Variants in ITGA8 observed in about 807,000 individuals in gnomAD.
ITGA8 encodes integrin subunit alpha 8.
Under a neutral mutation model 142.3 loss-of-function variants are expected in ITGA8, and 91 were observed. The ratio of observed to expected loss-of-function variants is 0.64; its 90% confidence interval spans 0.54 to 0.76. The LOEUF (loss-of-function observed/expected upper bound fraction) is 0.76. Among genes scored for constraint, ITGA8 ranks in the 30% least tolerant of loss-of-function variants. The pLI is 0.00. For missense variants in ITGA8, 1,406 were observed against 1,327.7 expected, an observed-to-expected ratio of 1.06 and a Z score of -0.92; for synonymous variants, 505 against 485.2, an observed-to-expected ratio of 1.04 and a Z score of -0.54.
At chr10:15,565,275 C>T (rs1420042942) in intron 25 of ITGA8, among the ~76,000 whole-genome samples, 8 of 152,262 alleles carry the variant, frequency 5.3e-5, no homozygotes, top group Non-Finnish European at 1.0e-4. Context: ...GTCACTAGTA[C>T]GTCACAATTG....
chr10:15,637,987 G>C (rs1211244216), intron 13 of ITGA8, among the ~76,000 whole-genome samples: 2 of 152,016 alleles, frequency 1.3e-5, no homozygotes, highest in African/African-American at 4.8e-5. Flanking sequence ...AATAAGCACT[G>C]TATTTACCTT....
chr10:15,615,456 GC>G (rs1399316510), intron 14 of ITGA8, among the ~76,000 whole-genome samples: 3 of 152,126 alleles, frequency 2.0e-5, no homozygotes, highest in African/African-American at 4.8e-5. Flanking sequence ...TATGCCCTCG[GC>G]CTTTTGTCTT....
At chr10:15,559,866 A>G (rs1833945298) in intron 25 of ITGA8, among the ~76,000 whole-genome samples, 1 of 151,966 alleles carries the variant, frequency 6.6e-6, no homozygotes, top group South Asian at 2.1e-4. Flanking sequence ...AAAAATAGCT[A>G]ATGCATGTTG....
At chr10:15,678,420 GT>G (rs1038020397) in intron 5 of ITGA8, among the ~76,000 whole-genome samples, 79 of 152,088 alleles carry the variant, frequency 5.2e-4, no homozygotes, top group Non-Finnish European at 7.2e-4. Flanking sequence ...ACATTACTGA[GT>G]TTTTTAGATT....
rs775855171 is a variant in ITGA8 at position 15,658,997 on chromosome 10, A to G, written c.948+2T>C. The G allele has an allele frequency of 1.3e-6, 2 of 1,576,754 alleles. No individual in the cohort carries two copies. Among genetic ancestry groups the G allele is most frequent in the Non-Finnish European group, 8.7e-7 (1 of 1,148,916 alleles). ...ATTTATTTGATATTAAAATGTCTCT[A>G]CCTGTTCTCCCGTGAAATTCTGAAT... On this transcript the variant is annotated splice_donor_variant, in intron 10 of 29. Coordinates refer to ENST00000378076, the MANE Select transcript of ITGA8 (RefSeq NM_003638.3). LOFTEE classifies it high-confidence loss of function.
At chr10:15,534,975 G>A (rs1394281511) in intron 27 of ITGA8, among the ~76,000 whole-genome samples, 1 of 152,304 alleles carries the variant, frequency 6.6e-6, no homozygotes, top group Admixed American at 6.5e-5. Context: ...GGAGGGAGAG[G>A]CACGGGGGGA....
At position 15,616,548 on chromosome 10, in the gene ITGA8, C is replaced by G; in HGVS notation, c.1411G>C (p.Gly471Arg). The part of the protein sequence containing the change: ...DKNDYPDLIV[G>R]AFGTGKVAVY... ...GCGACTTTTCCTGTTCCAAATGCAC[C>G]CACAATCAAATCTTAAAAAGACAAA... The change falls in exon 14 of 30, where the codon GGT becomes CGT. Residue 471 changes from glycine to arginine, a missense_variant. Gly to Arg is a moderately radical substitution (Grantham distance 125). Coordinates refer to ENST00000378076, the MANE Select transcript of ITGA8 (RefSeq NM_003638.3). 1 of 1,612,062 alleles carries G rather than the reference C, an allele frequency of 6.2e-7. No individual in the cohort carries two copies. The highest frequency in any genetic ancestry group is 8.5e-7 in the Non-Finnish European group (1 of 1,179,176).
At chr10:15,701,852 A>G (rs1184133708) in intron 2 of ITGA8, among the ~76,000 whole-genome samples, 1 of 152,254 alleles carries the variant, frequency 6.6e-6, no homozygotes, top group Non-Finnish European at 1.5e-5. Flanking sequence ...AAAGGGTAGA[A>G]GAAATCCTTA....
intron 25 of ITGA8, among the ~76,000 whole-genome samples, chr10:15,563,918 CAA>C (rs928341834): frequency 2.1e-5 from 2 of 96,158 alleles, no homozygotes; most frequent in Non-Finnish European, 2.2e-5. Flanking sequence ...AGGCTGTCTC[CAA>C]AAAAAAAAAA....
At chr10:15,532,588 T>C (rs1833331961) in intron 27 of ITGA8, among the ~76,000 whole-genome samples, 2 of 152,004 alleles carry the variant, frequency 1.3e-5, no homozygotes, top group African/African-American at 4.8e-5. Context: ...TAACTGTTGA[T>C]AAAAGTCAAT....
At position 15,572,243 on chromosome 10, in the gene ITGA8, G is replaced by T. The variant is rs373194913; in HGVS notation, c.2605C>A (p.Pro869Thr). ...TCCTGTGGATTGATATTAGGATTTG[G>T]TTGGCACTGCAGAGGTCCCAGAGTT... ...IQTLGPLQCQ[P>T]NPNINPQDIK... The change falls in exon 25 of 30, where the codon CCA (proline) becomes ACA (threonine). Residue 869 changes from proline to threonine, a missense_variant. Coordinates refer to ENST00000378076, the MANE Select transcript of ITGA8 (RefSeq NM_003638.3). 4 of 1,613,738 alleles carry T rather than the reference G, an allele frequency of 2.5e-6. No homozygotes were observed. Among genetic ancestry groups the T allele is most frequent in the East Asian group, 2.2e-5 (1 of 44,890 alleles).
Position 15,634,168 on chromosome 10 carries a change from A to G in ITGA8, c.1399+9862T>C, listed in dbSNP as rs138733924. On this transcript the variant is annotated intron_variant, in intron 13 of 29. Coordinates refer to ENST00000378076, the MANE Select transcript of ITGA8 (RefSeq NM_003638.3). ...TAGCAAGAAACACTCTCTCTTTTTA[A>G]CTGTTTCATTATTTTGTACCCTCTT... 3.4e-4 allele frequency among the ~76,000 whole-genome samples: 52 copies of G among 151,974 alleles called. No individual in the cohort carries two copies. In the East Asian group the frequency reaches 8.7e-3, roughly 25 times the overall value.
rs1298380998 is a variant in ITGA8, at chr10:15,607,808, C to T, written c.1633G>A (p.Asp545Asn). 1.2e-6 allele frequency: 2 copies of T among 1,611,462 alleles called. No homozygotes were observed. Among genetic ancestry groups the T allele is most frequent in the Non-Finnish European group, 1.7e-6 (2 of 1,178,846 alleles). The change falls in exon 17 of 30, where the codon GAT becomes AAT. Residue 545 changes from aspartate to asparagine, a missense_variant. Transcript: ENST00000378076. ...ATAGCTCCTTTCTGTTTCAGGGAATCTAATTGCACCTCTGCCATCAAGACT... is the reference window on the plus strand; with the variant it reads ...ATAGCTCCTTTCTGTTTCAGGGAATTTAATTGCACCTCTGCCATCAAGACT... ...TIVLMAEVQL[D>N]SLKQKGAIKR... is the part of the protein sequence containing the mutation.
intron 2 of ITGA8, among the ~76,000 whole-genome samples, chr10:15,696,740 C>A (rs1033625549): frequency 6.6e-6 from 1 of 151,810 alleles, no homozygotes; most frequent in Non-Finnish European, 1.5e-5. Flanking sequence ...TGCCTGTAAT[C>A]CCAGCACTTT....
At chr10:15,675,171 T>G (rs1308064851) in intron 6 of ITGA8, among the ~76,000 whole-genome samples, 5 of 152,192 alleles carry the variant, frequency 3.3e-5, no homozygotes, top group Non-Finnish European at 7.3e-5. Context: ...AAATTTATAT[T>G]TCACTCTAGA....
intron 2 of ITGA8, among the ~76,000 whole-genome samples, chr10:15,718,400 C>G (rs1202248621): frequency 6.6e-6 from 1 of 152,188 alleles, no homozygotes; most frequent in Non-Finnish European, 1.5e-5. Flanking sequence ...TTTTCCAGAT[C>G]TGTCCTTGAG....
chr10:15,673,661 T>G lies in ITGA8; in HGVS notation c.677-912A>C, dbSNP rs141095528. 7.2e-4 allele frequency among the ~76,000 whole-genome samples: 109 copies of G among 152,322 alleles called. 2 individuals carry two copies. The South Asian group carries it at 0.013, about 18-fold the overall frequency. On this transcript the variant is annotated intron_variant, in intron 6 of 29. Coordinates refer to ENST00000378076, the MANE Select transcript of ITGA8 (RefSeq NM_003638.3). ...GATAAAATATATCAGCTAAGTTAAATGAAGGAATTGTAAACTCTTTGAGCC... is the reference window on the plus strand; with the variant it reads ...GATAAAATATATCAGCTAAGTTAAAGGAAGGAATTGTAAACTCTTTGAGCC...
chr10:15,603,688 C>T (rs1833143748), intron 20 of ITGA8, among the ~76,000 whole-genome samples: 1 of 152,176 alleles, frequency 6.6e-6, no homozygotes, highest in African/African-American at 2.4e-5. Context: ...GAAGACCAGG[C>T]TGTTCCTGGT....
At chr10:15,692,780 C>G (rs538239309) in intron 2 of ITGA8, among the ~76,000 whole-genome samples, 2 of 152,316 alleles carry the variant, frequency 1.3e-5, no homozygotes, top group East Asian at 3.9e-4. Flanking sequence ...AAAAAGCATG[C>G]ATCTTGGCCA....
Sources: gnomAD v4.1 joint callset for allele counts (sites outside exome capture counted in the v4.1 genomes callset) on GRCh38, gnomAD v4.1.1 for gene constraint, MANE v1.5 for transcripts, NCBI Gene and HGNC (gene_info 2026-07-23, HGNC 2026-07-21) for gene names.